Variants in IGSF10 observed in about 807,000 individuals in gnomAD.
IGSF10 encodes calvaria mechanical force protein 608.
Under a neutral mutation model 128.2 loss-of-function variants are expected in IGSF10, and 126 were observed. The ratio of observed to expected loss-of-function variants is 0.98; its 90% CI spans 0.85 to 1.14. The LOEUF (loss-of-function observed/expected upper bound fraction) is 1.14, where lower values mean the gene tolerates loss of function less well. IGSF10 is among the 50% of genes most tolerant of loss of function. The pLI is 0.00. For synonymous variants in IGSF10, 1,185 were observed against 1,146.2 expected, an observed-to-expected ratio of 1.03 and a Z score of -0.68; for missense variants, 3,295 against 3,149.8, an observed-to-expected ratio of 1.05 and a Z score of -1.10.
At chr3:151,613,882 A>G in the IGSF10 span, among the ~76,000 whole-genome samples, 1 of 152,210 alleles carries the variant, frequency 6.6e-6, no homozygotes, top group Non-Finnish European at 1.5e-5. Flanking sequence ...ATCAGAATGA[A>G]CAGGCAACCT....
chr3:151,512,639 AC>A, the IGSF10 span, among the ~76,000 whole-genome samples: 5 of 152,140 alleles, frequency 3.3e-5, no homozygotes, highest in South Asian at 6.2e-4. Flanking sequence ...AAATAGAGAC[AC>A]AAAAAACCCT....
At chr3:151,534,796 A>AGTGTGTGT in the IGSF10 span, among the ~76,000 whole-genome samples, 15,891 of 129,294 alleles carry the variant, frequency 0.12, 951 homozygotes, top group Middle Eastern at 0.21. Context: ...CAGAATTTAA[A>AGTGTGTGT]GTGTATGTGT....
intron 7 of IGSF10, chr3:151,440,489 G>A (rs1322341034): frequency 4.4e-6 from 2 of 451,282 alleles, no homozygotes; most frequent in African/African-American, 2.0e-5. Flanking sequence ...AAACTGCCAG[G>A]TGCTTTGCAC....
chr3:151,609,789 G>A, the IGSF10 span, among the ~76,000 whole-genome samples: 1 of 152,052 alleles, frequency 6.6e-6, no homozygotes, highest in African/African-American at 2.4e-5. Context: ...GCAAAACATT[G>A]GATATACATG....
At chr3:151,534,914 C>T in the IGSF10 span, among the ~76,000 whole-genome samples, 1 of 151,420 alleles carries the variant, frequency 6.6e-6, no homozygotes. Context: ...TAGTTCCATC[C>T]AACTGTTCTG....
intron 2 of IGSF10, among the ~76,000 whole-genome samples, 171 bp from the exon 3 acceptor site, chr3:151,458,881 G>A (rs1349011935): frequency 6.6e-6 from 1 of 152,140 alleles, no homozygotes; most frequent in Non-Finnish European, 1.5e-5. Flanking sequence ...AGTGTGTGCT[G>A]CTGGCCTCAC....
chr3:151,506,720 C>T, the IGSF10 span, among the ~76,000 whole-genome samples: 124,380 of 151,970 alleles, frequency 0.82, 50,992 homozygotes, highest in Middle Eastern at 0.93. Context: ...AAATATTTTT[C>T]GTTCCACCTA....
At chr3:151,517,519 T>TC in the IGSF10 span, among the ~76,000 whole-genome samples, 1 of 151,936 alleles carries the variant, frequency 6.6e-6, no homozygotes. Context: ...TCAAATGGTC[T>TC]CCCTTCAACT....
the IGSF10 span, among the ~76,000 whole-genome samples, chr3:151,619,829 G>C: frequency 6.6e-6 from 1 of 152,072 alleles, no homozygotes; most frequent in African/African-American, 2.4e-5. Flanking sequence ...AGGTTAATGG[G>C]TTATAACAGG....
the IGSF10 span, among the ~76,000 whole-genome samples, chr3:151,598,162 G>A: frequency 2.0e-5 from 3 of 149,092 alleles, no homozygotes; most frequent in Non-Finnish European, 4.4e-5. Context: ...TCCCCCCACC[G>A]CCATCCCCTA....
upstream of IGSF10, among the ~76,000 whole-genome samples, chr3:151,463,811 C>T (rs1359656916): frequency 6.6e-6 from 1 of 151,756 alleles, no homozygotes; most frequent in African/African-American, 2.4e-5. Context: ...CATGGTGAAA[C>T]CCCGTCTCTA....
the IGSF10 span, among the ~76,000 whole-genome samples, chr3:151,472,382 T>A: frequency 1.3e-5 from 2 of 152,030 alleles, no homozygotes; most frequent in Admixed American, 1.3e-4. Context: ...TTTTGGGGGA[T>A]CCCTGGAAAA....
At chr3:151,571,383 T>C in the IGSF10 span, among the ~76,000 whole-genome samples, 2 of 152,210 alleles carry the variant, frequency 1.3e-5, no homozygotes, top group African/African-American at 4.8e-5. Flanking sequence ...TTTGTTTGTG[T>C]CCTCTTTTAT....
chr3:151,534,136 T>C, the IGSF10 span, among the ~76,000 whole-genome samples: 4 of 118,014 alleles, frequency 3.4e-5, no homozygotes, highest in South Asian at 3.1e-4. Context: ...AGAATGGCAA[T>C]CATTAAAAAG....
the IGSF10 span, among the ~76,000 whole-genome samples, chr3:151,506,634 T>C: frequency 6.6e-6 from 1 of 152,150 alleles, no homozygotes; most frequent in African/African-American, 2.4e-5. Flanking sequence ...CTTAGTTTGA[T>C]CAAATGTAGG....
the IGSF10 span, among the ~76,000 whole-genome samples, chr3:151,576,458 T>C: frequency 3.3e-4 from 50 of 152,320 alleles, no homozygotes; most frequent in African/African-American, 1.1e-3. Context: ...TTTATTTTGC[T>C]TTGCAAGCCA....
Position 151,445,379 on chromosome 3 carries a change from G to T in IGSF10, c.4602C>A (p.Phe1534Leu). ...AGATGAAGTGAGTGGTTCCAATTGTGAACTTGGCATTTGGGTGAACCTTGG... is the reference window on the plus strand; with the variant it reads ...AGATGAAGTGAGTGGTTCCAATTGTTAACTTGGCATTTGGGTGAACCTTGG... ...TSPKVHPNAKFTIGTTHFIYS... is the reference protein window; with the variant it reads ...TSPKVHPNAKLTIGTTHFIYS... The change falls in exon 6 of 8, where the codon TTC (phenylalanine) becomes TTA (leucine). Residue 1534 changes from phenylalanine to leucine, a missense_variant. Coordinates refer to ENST00000282466, the MANE Select transcript of IGSF10 (RefSeq NM_178822.5). 6.2e-7 allele frequency: 1 copy of T among 1,614,222 alleles called. No individual in the cohort carries two copies. The highest frequency in any genetic ancestry group is 1.1e-5 in the South Asian group (1 of 91,084).
the IGSF10 span, among the ~76,000 whole-genome samples, chr3:151,589,424 A>T: frequency 6.6e-6 from 1 of 152,220 alleles, no homozygotes; most frequent in African/African-American, 2.4e-5. Flanking sequence ...CAATCTTGCA[A>T]CATTAGTGTA....
At chr3:151,575,861 G>A in the IGSF10 span, among the ~76,000 whole-genome samples, 1 of 152,140 alleles carries the variant, frequency 6.6e-6, no homozygotes, top group Admixed American at 6.6e-5. Flanking sequence ...TCTTGGAACA[G>A]ACCCCTATTT....
Sources: allele counts gnomAD v4.1 joint callset (sites outside exome capture counted in the v4.1 genomes callset), GRCh38; gene constraint gnomAD v4.1.1; transcripts MANE v1.5; gene names NCBI Gene and HGNC (gene_info 2026-07-23, HGNC 2026-07-21).